The following PTPRT variants were observed in gnomAD, a reference collection of about 807,000 sequenced individuals.
PTPRT encodes protein tyrosine phosphatase receptor type T.
PTPRT carries 56 observed loss-of-function variants against 176.8 expected under a neutral mutation model. The ratio of observed to expected loss-of-function variants is 0.32; its 90% CI spans 0.26 to 0.40. The LOEUF (loss-of-function observed/expected upper bound fraction) is 0.40, where lower values mean the gene tolerates loss of function less well. Among genes scored for constraint, PTPRT ranks in the 10% least tolerant of loss-of-function variants. The pLI is 1.00. For synonymous variants in PTPRT, 783 were observed against 739.0 expected (o/e 1.06, Z -0.96); for missense variants, 1,540 against 1,908.2 (o/e 0.81, Z 3.60).
chr20:43,172,931 G>A (rs2015039177), intron 1 of PTPRT, among the ~76,000 whole-genome samples: 1 of 139,076 alleles, frequency 7.2e-6, no homozygotes, highest in Non-Finnish European at 1.5e-5. Flanking sequence ...GGAGTGCAAT[G>A]GCACAATCTC....
At chr20:42,959,124 A>G (rs1456214354) in intron 1 of PTPRT, among the ~76,000 whole-genome samples, 5 of 152,168 alleles carry the variant, frequency 3.3e-5, no homozygotes, top group Admixed American at 2.0e-4. Flanking sequence ...AAACTGGACT[A>G]CTTGGGTTTG....
At chr20:42,749,731 T>A (rs2076743402) in intron 6 of PTPRT, among the ~76,000 whole-genome samples, 1 of 152,218 alleles carries the variant, frequency 6.6e-6, no homozygotes, top group Non-Finnish European at 1.5e-5. Context: ...CATGAGCTTA[T>A]TACAGAACCT....
intron 1 of PTPRT, among the ~76,000 whole-genome samples, chr20:43,041,593 AG>A (rs1852507937): frequency 6.6e-6 from 1 of 152,166 alleles, no homozygotes; most frequent in Non-Finnish European, 1.5e-5. Flanking sequence ...TACTTCCCTT[AG>A]ATCATCGTAC....
intron 11 of PTPRT, among the ~76,000 whole-genome samples, chr20:42,337,679 T>C (rs1184672650): frequency 6.6e-6 from 1 of 152,178 alleles, no homozygotes; most frequent in Non-Finnish European, 1.5e-5. Context: ...GTTTCTGATT[T>C]AGTTGGCTGG....
At chr20:43,149,373 A>C (rs976408155) in intron 1 of PTPRT, among the ~76,000 whole-genome samples, 1 of 152,238 alleles carries the variant, frequency 6.6e-6, no homozygotes, top group African/African-American at 2.4e-5. Flanking sequence ...AATTCTATTC[A>C]CTGGAGAAAA....
chr20:42,574,190 T>C (rs6124476), intron 7 of PTPRT, among the ~76,000 whole-genome samples: 73,164 of 151,936 alleles, frequency 0.48, 17,877 homozygotes, highest in East Asian at 0.63. Flanking sequence ...GTATTTTATT[T>C]AAAACACTCA....
At chr20:42,111,390 A>C (rs1286956469) in intron 22 of PTPRT, among the ~76,000 whole-genome samples, 1 of 152,182 alleles carries the variant, frequency 6.6e-6, no homozygotes, top group African/African-American at 2.4e-5. Flanking sequence ...GGAAGGTGAG[A>C]ATAAAAGCCA....
intron 15 of PTPRT, among the ~76,000 whole-genome samples, chr20:42,218,851 G>A (rs528340938): frequency 2.0e-5 from 3 of 152,264 alleles, no homozygotes; most frequent in South Asian, 2.1e-4. Context: ...TGAACTGATC[G>A]GGATGTCAAA....
At chr20:42,149,789 T>G (rs2146451842) in intron 17 of PTPRT, among the ~76,000 whole-genome samples, 1 of 152,280 alleles carries the variant, frequency 6.6e-6, no homozygotes, top group South Asian at 2.1e-4. Flanking sequence ...AGACAGTGCT[T>G]GTCACTGGAA....
intron 4 of PTPRT, among the ~76,000 whole-genome samples, chr20:42,777,187 T>C (rs1291440100): frequency 1.4e-5 from 2 of 144,798 alleles, no homozygotes; most frequent in Admixed American, 6.9e-5. Flanking sequence ...CAGCACTCCC[T>C]GCAGCAGAGC....
chr20:43,186,236 T>C (rs986158423), intron 1 of PTPRT, among the ~76,000 whole-genome samples: 1 of 152,214 alleles, frequency 6.6e-6, no homozygotes, highest in Non-Finnish European at 1.5e-5. Flanking sequence ...CAAGCCGGCA[T>C]AGGTAGAAAG....
intron 1 of PTPRT, among the ~76,000 whole-genome samples, chr20:42,933,670 T>C (rs1980004562): frequency 6.6e-6 from 1 of 152,208 alleles, no homozygotes; most frequent in South Asian, 2.1e-4. Flanking sequence ...GCTTTTAGTT[T>C]TGTCTACCAG....
chr20:42,924,374 G>A (rs1979350974), intron 1 of PTPRT, among the ~76,000 whole-genome samples: 2 of 152,212 alleles, frequency 1.3e-5, no homozygotes, highest in African/African-American at 2.4e-5. Flanking sequence ...ATGCAGCCGC[G>A]GTCTGATAAG....
At chr20:43,052,166 C>T (rs1290458849) in intron 1 of PTPRT, among the ~76,000 whole-genome samples, 1 of 152,228 alleles carries the variant, frequency 6.6e-6, no homozygotes, top group East Asian at 1.9e-4. Context: ...GGCAGCCCAG[C>T]TTCCCATACT....
At chr20:43,061,170 A>G (rs1458293787) in intron 1 of PTPRT, among the ~76,000 whole-genome samples, 2 of 152,080 alleles carry the variant, frequency 1.3e-5, no homozygotes, top group Non-Finnish European at 2.9e-5. Flanking sequence ...TAAGCATTCC[A>G]CAAGTATTTC....
chr20:43,136,992 CAGG>C (rs1225840956), intron 1 of PTPRT, among the ~76,000 whole-genome samples: 2 of 152,158 alleles, frequency 1.3e-5, no homozygotes, highest in East Asian at 3.9e-4. Flanking sequence ...CAGTGTTTGG[CAGG>C]AGAACTAATG....
intron 1 of PTPRT, among the ~76,000 whole-genome samples, chr20:43,067,132 TA>T (rs1419658055): frequency 2.0e-5 from 3 of 152,206 alleles, no homozygotes; most frequent in Non-Finnish European, 2.9e-5. Flanking sequence ...CCATATGAAA[TA>T]TTCTTCTGCC....
intron 12 of PTPRT, among the ~76,000 whole-genome samples, chr20:42,287,316 T>C (rs939916470): frequency 1.3e-5 from 2 of 151,854 alleles, no homozygotes; most frequent in African/African-American, 2.4e-5. Flanking sequence ...ACAATAGCCA[T>C]GACAGGCAAT....
In PTPRT at chr20:42,240,499, G is replaced by A. The variant is rs1019878816; in HGVS notation, c.2313-4241C>T. 2.0e-5 allele frequency among the ~76,000 whole-genome samples: 3 copies of A among 152,254 alleles called. No homozygotes were observed. In the South Asian group the frequency reaches 6.2e-4, roughly 32 times the overall value. ...CCCCAAACTTAATAAATCACATACTGCAGAACCTTTTTTCAGCTAGCTCAC... is the reference window on the plus strand; with the variant it reads ...CCCCAAACTTAATAAATCACATACTACAGAACCTTTTTTCAGCTAGCTCAC... On this transcript the variant is annotated intron_variant, in intron 14 of 30. Coordinates refer to ENST00000373187, the MANE Select transcript of PTPRT (RefSeq NM_007050.6).
Sources: allele counts gnomAD v4.1 joint callset (sites outside exome capture counted in the v4.1 genomes callset), GRCh38; gene constraint gnomAD v4.1.1; transcripts MANE v1.5; gene names NCBI Gene and HGNC (gene_info 2026-07-23, HGNC 2026-07-21).